Variants in COL27A1 observed in about 807,000 individuals in gnomAD.
COL27A1 encodes collagen alpha-1(XXVII) chain.
A neutral mutation model predicts 251.3 loss-of-function variants in COL27A1; 106 were observed. That is an observed-to-expected ratio of 0.42 (90% CI 0.36 to 0.50). The LOEUF (loss-of-function observed/expected upper bound fraction) is 0.50, where lower values mean the gene tolerates loss of function less well. Ranked by LOEUF, COL27A1 falls within the 20% of genes least tolerant of loss-of-function variation. The pLI, the probability that COL27A1 is intolerant of heterozygous loss-of-function variation, is 0.00. For missense variants in COL27A1, 2,325 were observed against 2,522.8 expected (o/e 0.92, Z 1.68); for synonymous variants, 1,000 against 986.3 (o/e 1.01, Z -0.26).
chr9:114,240,482 C>T lies in COL27A1; in HGVS notation c.2830C>T (p.Pro944Ser), dbSNP rs532587084. Residue 944 changes from proline to serine, a missense_variant, in exon 21 of 61, where the codon CCC (proline) becomes TCC (serine). Pro to Ser is a moderately conservative substitution (Grantham distance 74). This residue lies in a region of COL27A1 where 662 missense variants were observed against 795.3 expected (regional missense o/e 0.83). Coordinates refer to ENST00000356083, the MANE Select transcript of COL27A1 (RefSeq NM_032888.4). ...GLPGPRGQLG[P>S]EGDEGPMGPP... ...GCCGGGACCCCGTGGGCAGCTGGGG[C>T]CCGAGGTGAGACTGTCTGGCCCCCT... 2 of 1,610,474 alleles carry T rather than the reference C, an allele frequency of 1.2e-6. No homozygotes were observed. The highest frequency in any genetic ancestry group is 2.2e-5 in the East Asian group (1 of 44,880).
chr9:114,245,949 A>G (rs1367302142), intron 24 of COL27A1, 39 bp downstream of exon 24: 1 of 1,590,314 alleles, frequency 6.3e-7, no homozygotes, highest in Admixed American at 1.7e-5. Flanking sequence ...GGCTCCATTT[A>G]TTGGGCCCTT....
intron 53 of COL27A1, 50 bp from the exon 54 acceptor site, chr9:114,301,395 T>C (rs1163689182): frequency 1.3e-6 from 2 of 1,590,466 alleles, no homozygotes; most frequent in African/African-American, 1.4e-5. Flanking sequence ...AGTTGGGCCA[T>C]GGCTCAGCCA....
chr9:114,291,531 T>A (rs1478904513), intron 48 of COL27A1, among the ~76,000 whole-genome samples: 1 of 152,014 alleles, frequency 6.6e-6, no homozygotes, highest in Non-Finnish European at 1.5e-5. Flanking sequence ...GGCGAATCAC[T>A]TGAGGTCAGG....
At chr9:114,292,279 G>C in intron 49 of COL27A1, 69 bp downstream of exon 49, 1 of 1,203,586 alleles carries the variant, frequency 8.3e-7, no homozygotes, top group Non-Finnish European at 1.2e-6. Flanking sequence ...ACACCTACAT[G>C]TACAAACACA....
intron 12 of COL27A1, among the ~76,000 whole-genome samples, 179 bp downstream of exon 12, chr9:114,211,205 G>A (rs1564473605): frequency 6.6e-6 from 1 of 152,254 alleles, no homozygotes; most frequent in Non-Finnish European, 1.5e-5. Context: ...CGTGACTGGG[G>A]CCTGGCTGGG....
rs760999004 is a variant in COL27A1, at chr9:114,301,474, G to A, written c.4809+12G>A. 2 of 1,608,512 alleles carry A rather than the reference G, an allele frequency of 1.2e-6. No individual in the cohort carries two copies. Among genetic ancestry groups the A allele is most frequent in the Non-Finnish European group, 1.7e-6 (2 of 1,178,632 alleles). ...TGCAAGGTCCGAGGGTGAGTGGGCT[G>A]GGCATGAGGGCTGTGGGGCGGGGCG... On this transcript the variant is annotated intron_variant, in intron 54 of 60. Transcript: ENST00000356083.
At chr9:114,179,753 G>A (rs1317760275) in intron 4 of COL27A1, among the ~76,000 whole-genome samples, 4 of 148,944 alleles carry the variant, frequency 2.7e-5, no homozygotes, top group Admixed American at 2.7e-4. Flanking sequence ...GAAAGGTTTA[G>A]TTACTTCAGA....
chr9:114,289,261 G>T lies in COL27A1; in HGVS notation c.4172G>T (p.Gly1391Val). 2.5e-6 allele frequency: 4 copies of T among 1,595,954 alleles called. No homozygotes were observed. The highest frequency in any genetic ancestry group is 3.4e-6 in the Non-Finnish European group (4 of 1,172,764). ...QGQPGHPGPR[G>V]WPGPKGSKGA... ...TTGCAGGGGCATCCGGGACCCCGGG[G>T]GTGGCCGGGACCCAAAGGATCGAAA... The change falls in exon 45 of 61, where the codon GGG (glycine) becomes GTG (valine). Residue 1391 changes from glycine to valine, a missense_variant. Around this residue, in one of 4 missense-constraint regions of COL27A1, gnomAD observed 662 missense variants for 795.3 expected, o/e 0.83. Transcript: ENST00000356083.
At chr9:114,175,112 C>T (rs1827310425) in intron 3 of COL27A1, among the ~76,000 whole-genome samples, 1 of 17,812 alleles carries the variant, frequency 5.6e-5, no homozygotes, top group African/African-American at 3.3e-4. Context: ...TCCCCTAGAT[C>T]TGGCTGTCAG....
intron 45 of COL27A1, 105 bp from the exon 46 acceptor site, chr9:114,289,953 A>G: frequency 5.5e-6 from 7 of 1,277,274 alleles, no homozygotes; most frequent in Non-Finnish European, 6.8e-6. Context: ...GTGGCATCAG[A>G]TGTTCACCCA....
intron 37 of COL27A1, among the ~76,000 whole-genome samples, chr9:114,280,632 G>A (rs1472605571): frequency 1.3e-5 from 2 of 152,242 alleles, no homozygotes; most frequent in Non-Finnish European, 1.5e-5. Context: ...CCATACTAGA[G>A]GTGGGGAAAC....
chr9:114,209,797 G>C, intron 11 of COL27A1, 69 bp downstream of exon 11: 1 of 1,477,460 alleles, frequency 6.8e-7, no homozygotes, highest in South Asian at 1.1e-5. Flanking sequence ...AACCTGCCAG[G>C]CACCAGCCTG....
At chr9:114,244,694 C>T (rs771572913) in intron 23 of COL27A1, among the ~76,000 whole-genome samples, 1 of 152,226 alleles carries the variant, frequency 6.6e-6, no homozygotes, top group Non-Finnish European at 1.5e-5. Flanking sequence ...AGGCTCCACC[C>T]AGGCTTGCAG....
rs1042694416 is a variant in COL27A1, at chr9:114,270,687, C to T, written c.3556-41C>T. The T allele has an allele frequency of 2.0e-6, 3 of 1,527,472 alleles. No homozygotes were observed. In the African/African-American group the frequency reaches 4.1e-5, roughly 21 times the overall value. The allele number at this position is 1,527,472 out of a possible 1,614,324, so 94.6% of individuals were successfully genotyped here. On this transcript the variant is annotated intron_variant, in intron 35 of 60. Coordinates refer to ENST00000356083, the MANE Select transcript of COL27A1 (RefSeq NM_032888.4). ...AGGAAAAGCACACCGGGGCCTCCTC[C>T]CCAGTAACATCTCCTCCTCTTTCTC... is the stretch of plus-strand genomic sequence containing the variant.
At chr9:114,248,672 C>A (rs886729566) in intron 24 of COL27A1, among the ~76,000 whole-genome samples, 40 of 152,278 alleles carry the variant, frequency 2.6e-4, no homozygotes, top group African/African-American at 9.4e-4. Context: ...GGGACAGTAC[C>A]CCGGGGGGGT....
chr9:114,245,013 G>C (rs1833014941), intron 23 of COL27A1, among the ~76,000 whole-genome samples: 1 of 152,030 alleles, frequency 6.6e-6, no homozygotes, highest in South Asian at 2.1e-4. Flanking sequence ...AGCAGAGATG[G>C]GACTCACCCC....
intron 56 of COL27A1, 61 bp from the exon 57 acceptor site, chr9:114,304,547 C>G (rs759839853): frequency 5.9e-6 from 9 of 1,534,412 alleles, no homozygotes; most frequent in Middle Eastern, 1.7e-4. Context: ...GGGGCTCCCA[C>G]TTGATGGGTG....
chr9:114,196,495 C>T lies in COL27A1; in HGVS notation c.2124+483C>T, dbSNP rs115194874. Among the ~76,000 whole-genome samples, 214 of 152,292 alleles carry T rather than the reference C, an allele frequency of 1.4e-3. 2 individuals carry two copies. The highest frequency in any genetic ancestry group is 4.4e-3 in the African/African-American group (183 of 41,550). ...GTGTGACCAGGAGCAAGGCCTGGAG[C>T]GGAGAAGTTGAGGGAGTGGACCCTG... On this transcript the variant is annotated intron_variant, in intron 7 of 60. Coordinates refer to ENST00000356083, the MANE Select transcript of COL27A1 (RefSeq NM_032888.4).
At position 114,168,045 on chromosome 9, in the gene COL27A1, C is replaced by T. The variant is rs2135073208; in HGVS notation, c.490C>T (p.Arg164Ter). The T allele has an allele frequency of 6.2e-7, 1 of 1,606,724 alleles. No individual in the cohort carries two copies. Among genetic ancestry groups the T allele is most frequent in the Non-Finnish European group, 8.5e-7 (1 of 1,179,732 alleles). Reference protein sequence around the residue: ...GRWHHLALELRGRTVTLVTAC... With the variant: ...GRWHHLALEL ...CTGGCACCACCTGGCCCTCGAGCTC[C>T]GAGGCCGCACAGTCACTCTGGTGAC... is the stretch of plus-strand genomic sequence containing the variant. Residue 164 changes from arginine (R) to a stop codon, truncating the protein, a stop_gained, in exon 3 of 61, where the codon CGA (arginine) becomes TGA (stop). Coordinates refer to ENST00000356083, the MANE Select transcript of COL27A1 (RefSeq NM_032888.4). LOFTEE classifies it high-confidence loss of function.
Sources: gnomAD v4.1 joint callset for allele counts (sites outside exome capture counted in the v4.1 genomes callset) on GRCh38, gnomAD v4.1.1 for gene constraint, gnomAD v4.1.1 regional missense constraint, MANE v1.5 for transcripts, NCBI Gene and HGNC (gene_info 2026-07-23, HGNC 2026-07-21) for gene names.